Variants in TCF3 observed in about 807,000 individuals in gnomAD.
TCF3 encodes transcription factor 3.
TCF3 carries 54 observed loss-of-function variants against 72.3 expected under a neutral mutation model. The observed-to-expected ratio is 0.75, with a 90% CI of 0.60 to 0.94. TCF3 has a LOEUF of 0.94. Ranked by LOEUF, TCF3 falls within the 40% of genes least tolerant of loss-of-function variation. The pLI, the probability that TCF3 is intolerant of heterozygous loss-of-function variation, is 0.00. For missense variants in TCF3, 1,078 were observed against 934.4 expected (o/e 1.15, Z -2.00); for synonymous variants, 525 against 412.6 (o/e 1.27, Z -3.30).
Position 1,646,392 on chromosome 19 carries a change from C to G in TCF3, c.108G>C (p.Arg36=). The G allele has an allele frequency of 1.3e-6, 2 of 1,550,282 alleles. No individual in the cohort carries two copies. The highest frequency in any genetic ancestry group is 1.7e-6 in the Non-Finnish European group (2 of 1,146,706). Residue 36 remains arginine (R), a synonymous_variant, in exon 3 of 19, where the codon CGG becomes CGC. Transcript: ENST00000262965. ...FPLPVTNGKG[R]PASLAGAQFG... ...ACTGCGCCCCGGCCAGGGAGGCGGG[C>G]CGGCCCTTCCCGTTGGTGACAGGCA... is the stretch of plus-strand genomic sequence containing the variant.
rs1209747955 is a variant in TCF3 at position 1,615,901 on chromosome 19, G to A, written c.1451-80C>T. 2.1e-6 allele frequency: 3 copies of A among 1,451,810 alleles called. No individual in the cohort carries two copies. The highest frequency in any genetic ancestry group is 2.5e-5 in the Admixed American group (1 of 40,116). The allele number at this position is 1,451,810 out of a possible 1,614,324, so 89.9% of individuals were successfully genotyped here. Reference sequence around the variant, plus strand: ...ATCTCTTTGTGCTCCTGTGGTGAGGGACTTGGGCTTTCCTGGAAAAACCAG... The same window carrying A: ...ATCTCTTTGTGCTCCTGTGGTGAGGAACTTGGGCTTTCCTGGAAAAACCAG... On this transcript the variant is annotated intron_variant, in intron 16 of 18. Coordinates refer to ENST00000262965, the MANE Select transcript of TCF3 (RefSeq NM_003200.5). This position sits in a 1 kb window ranked among gnomAD's most constrained non-coding sequence, Gnocchi z 7.3.
At chr19:1,642,985 A>G (rs2065558148) in intron 3 of TCF3, among the ~76,000 whole-genome samples, 1 of 152,138 alleles carries the variant, frequency 6.6e-6, no homozygotes, top group Non-Finnish European at 1.5e-5. Context: ...GAAAAATAGG[A>G]AAGAACTTTC....
chr19:1,626,308 G>A (rs2062866936), intron 6 of TCF3, among the ~76,000 whole-genome samples: 1 of 152,138 alleles, frequency 6.6e-6, no homozygotes, highest in African/African-American at 2.4e-5. Context: ...AAATTAGCCG[G>A]GTATGGTGGC....
rs35224741 is a variant in TCF3 at position 1,614,347 on chromosome 19, C to CG, written c.1822+937dup. ...TCTGGTTTCTTCCCGCAAGCCCTGACGGGGGGCTTTGGGGGAGGAAACGCC... is the reference window on the plus strand; with the variant it reads ...TCTGGTTTCTTCCCGCAAGCCCTGACGGGGGGGCTTTGGGGGAGGAAACGCC... On this transcript the variant is annotated intron_variant, in intron 18 of 18. Coordinates refer to ENST00000262965, the MANE Select transcript of TCF3 (RefSeq NM_003200.5). This position sits in a 1 kb window ranked among gnomAD's most constrained non-coding sequence, Gnocchi z 5.6. 6.6e-5 allele frequency among the ~76,000 whole-genome samples: 10 copies of CG among 152,156 alleles called. No homozygotes were observed. The highest frequency in any genetic ancestry group is 1.9e-4 in the African/African-American group (8 of 41,434).
chr19:1,615,101 G>A lies in TCF3; in HGVS notation c.1822+184C>T, dbSNP rs546730998. ...GCTGAGGCAGGCAGGGAGAAGGGCT[G>A]GCAGTCAGGAGTGGACAGTCATGGC... On this transcript the variant is annotated intron_variant, in intron 18 of 18. Transcript: ENST00000262965. This position sits in a 1 kb window ranked among gnomAD's most constrained non-coding sequence, Gnocchi z 7.3. Among the ~76,000 whole-genome samples, 3 of 152,282 alleles carry A rather than the reference G, an allele frequency of 2.0e-5. No homozygotes were observed. The East Asian group carries it at 5.8e-4, about 29-fold the overall frequency.
Position 1,620,985 on chromosome 19 carries a change from G to T in TCF3, c.1076C>A (p.Ser359Tyr). The change falls in exon 13 of 19, where the codon TCC (serine) becomes TAC (tyrosine). Residue 359 changes from serine to tyrosine, a missense_variant. Transcript: ENST00000262965. ...FSSSPSTPVG[S>Y]PQGLAGTSQW... ...TCACAGACCTGCCAGGCCCTGGGGGGAGCCCACGGGGGTAGAAGGGCTGGA... is the reference window on the plus strand; with the variant it reads ...TCACAGACCTGCCAGGCCCTGGGGGTAGCCCACGGGGGTAGAAGGGCTGGA... The T allele has an allele frequency of 2.0e-6, 3 of 1,512,664 alleles. No homozygotes were observed. The highest frequency in any genetic ancestry group is 2.7e-6 in the Non-Finnish European group (3 of 1,132,072). 93.7% of individuals were successfully genotyped at this position (1,512,664 alleles called of 1,614,324 possible).
At chr19:1,642,521 C>T (rs760989574) in intron 3 of TCF3, among the ~76,000 whole-genome samples, 2 of 152,176 alleles carry the variant, frequency 1.3e-5, no homozygotes, top group African/African-American at 4.8e-5. Flanking sequence ...ACTTCAAGGA[C>T]GAGGGCCCAA....
At chr19:1,632,186 C>A (rs1346449505) in intron 4 of TCF3, 70 bp from the exon 5 acceptor site, 4 of 1,570,094 alleles carry the variant, frequency 2.5e-6, no homozygotes, top group Non-Finnish European at 3.5e-6. Flanking sequence ...CGCATTACAG[C>A]TGGAGAGGCA....
chr19:1,613,966 G>T (rs993336170), intron 18 of TCF3, among the ~76,000 whole-genome samples: 2 of 152,270 alleles, frequency 1.3e-5, no homozygotes, highest in African/African-American at 4.8e-5. Flanking sequence ...TGGCGAGCGG[G>T]CACTGTTGCT....
chr19:1,621,293 C>T, intron 11 of TCF3, 102 bp from the exon 12 acceptor site: 1 of 1,334,418 alleles, frequency 7.5e-7, no homozygotes, highest in East Asian at 2.6e-5. Context: ...ACTGCTGCGC[C>T]AGGGAGAGCA....
intron 3 of TCF3, among the ~76,000 whole-genome samples, chr19:1,635,766 T>C (rs1226527435): frequency 6.6e-6 from 1 of 152,358 alleles, no homozygotes; most frequent in African/African-American, 2.4e-5. Flanking sequence ...AATGTGTATA[T>C]GGCTAATGCC....
At chr19:1,624,110 C>G (rs1039399396) in intron 7 of TCF3, 110 bp from the exon 8 acceptor site, 2 of 1,172,568 alleles carry the variant, frequency 1.7e-6, no homozygotes, top group Non-Finnish European at 2.5e-6. Context: ...TTAAAAACCT[C>G]GGGTCGGCTG....
intron 2 of TCF3, among the ~76,000 whole-genome samples, chr19:1,647,334 G>A (rs1341976158): frequency 1.3e-5 from 2 of 152,246 alleles, no homozygotes. Flanking sequence ...GGGCTTAAGT[G>A]ATCAAAGTGG....
At chr19:1,621,612 C>T (rs911886766) in intron 11 of TCF3, among the ~76,000 whole-genome samples, 5 of 151,756 alleles carry the variant, frequency 3.3e-5, no homozygotes, top group African/African-American at 1.2e-4. Context: ...TCTTTCCCAG[C>T]TGTAAGGCGG....
At chr19:1,621,699 A>AT in intron 11 of TCF3, 139 bp downstream of exon 11, 1 of 1,166,064 alleles carries the variant, frequency 8.6e-7, no homozygotes, top group Non-Finnish European at 1.2e-6. Flanking sequence ...ACAGCGGACA[A>AT]TGAGAACTGA....
chr19:1,649,554 G>A (rs2066670023), intron 2 of TCF3, among the ~76,000 whole-genome samples: 1 of 152,160 alleles, frequency 6.6e-6, no homozygotes, highest in Admixed American at 6.5e-5. Context: ...GGGACCACAG[G>A]CATCTACCAC....
At chr19:1,643,345 C>T (rs551337448) in intron 3 of TCF3, among the ~76,000 whole-genome samples, 1 of 152,146 alleles carries the variant, frequency 6.6e-6, no homozygotes, top group Non-Finnish European at 1.5e-5. Flanking sequence ...CTCAGCCTCC[C>T]GAGTAGCTGG....
chr19:1,652,377 G>A lies in TCF3; in HGVS notation c.-117C>T, dbSNP rs577299761. 1.4e-3 allele frequency: 198 copies of A among 142,090 alleles called. No homozygotes were observed. The highest frequency in any genetic ancestry group is 1.0e-2 in the South Asian group (47 of 4,722). 8.8% of individuals were successfully genotyped at this position (142,090 alleles called of 1,614,324 possible). On this transcript the variant is annotated 5_prime_UTR_variant, in exon 1 of 19. Coordinates refer to ENST00000262965, the MANE Select transcript of TCF3 (RefSeq NM_003200.5). ...CGGGGGGGCCCCCCCCCGGACAAAG[G>A]TGCGTCGCGGCCGGGCCCCCGAGGG... is the stretch of plus-strand genomic sequence containing the variant.
chr19:1,615,360 C>A lies in TCF3; in HGVS notation c.1747G>T (p.Glu583Ter). 1 of 1,613,824 alleles carries A rather than the reference C, an allele frequency of 6.2e-7. No individual in the cohort carries two copies. Among genetic ancestry groups the A allele is most frequent in the Non-Finnish European group, 8.5e-7 (1 of 1,179,776 alleles). ...GRMCQLHLNS[E>*]KPQTKLLILH... Reference sequence around the variant, plus strand: ...ATGAGCAGTTTGGTCTGGGGCTTCTCGCTGTTGAGGTGCAGTTGGCACATG... The same window carrying A: ...ATGAGCAGTTTGGTCTGGGGCTTCTAGCTGTTGAGGTGCAGTTGGCACATG... Residue 583 changes from glutamate to a stop codon, truncating the protein, a stop_gained, in exon 18 of 19, where the codon GAG (glutamate) becomes TAG (stop). Transcript: ENST00000262965. LOFTEE classifies it high-confidence loss of function. This position sits in a 1 kb window ranked among gnomAD's most constrained non-coding sequence, Gnocchi z 7.3.
Sources: allele counts gnomAD v4.1 joint callset (sites outside exome capture counted in the v4.1 genomes callset), GRCh38; gene constraint gnomAD v4.1.1; non-coding constraint Gnocchi (gnomAD v3.1); transcripts MANE v1.5; gene names NCBI Gene and HGNC (gene_info 2026-07-23, HGNC 2026-07-21).